Variants in ADA2 observed in about 807,000 individuals in gnomAD.
ADA2 encodes adenosine deaminase CECR1.
A neutral mutation model predicts 44.2 loss-of-function variants in ADA2; 29 were observed. That is an observed-to-expected ratio of 0.66 (90% CI 0.49 to 0.89). The LOEUF (loss-of-function observed/expected upper bound fraction) is 0.89. Among genes scored for constraint, ADA2 ranks in the 40% least tolerant of loss-of-function variants. The probability of loss-of-function intolerance (pLI) is 0.00; values close to 1 mark genes in which losing one functional copy is unlikely to be tolerated. For missense variants in ADA2, 637 were observed against 644.8 expected, an observed-to-expected ratio of 0.99 and a Z score of 0.13; for synonymous variants, 215 against 234.9, an observed-to-expected ratio of 0.92 and a Z score of 0.77.
rs2061966498 is a variant in ADA2, at chr22:17,181,394, A to C, written c.*89T>G. 1 of 901,324 alleles carries C rather than the reference A, an allele frequency of 1.1e-6. No homozygotes were observed. Among genetic ancestry groups the C allele is most frequent in the Non-Finnish European group, 1.9e-6 (1 of 535,672 alleles). The allele number at this position is 901,324 out of a possible 1,614,324, so 55.8% of individuals were successfully genotyped here. On this transcript the variant is annotated 3_prime_UTR_variant, in exon 10 of 10. Coordinates refer to ENST00000399837, the MANE Select transcript of ADA2 (RefSeq NM_001282225.2). Reference sequence around the variant, plus strand: ...GCTCCATACAGAGGCCATTGATTTCATGGGCACATGGAGCTGATTCAAGAA... The same window carrying C: ...GCTCCATACAGAGGCCATTGATTTCCTGGGCACATGGAGCTGATTCAAGAA...
intron 4 of ADA2, among the ~76,000 whole-genome samples, chr22:17,193,791 GA>G (rs922656186): frequency 1.3e-5 from 2 of 151,830 alleles, no homozygotes; most frequent in Non-Finnish European, 2.9e-5. Context: ...AAGCCCTTAT[GA>G]TATAAAAGGA....
chr22:17,202,622 C>G (rs1331048518), intron 4 of ADA2, among the ~76,000 whole-genome samples: 1 of 152,156 alleles, frequency 6.6e-6, no homozygotes, highest in East Asian at 1.9e-4. Flanking sequence ...AAACAAGTCT[C>G]TCCATCCTAA....
rs7285420 is a variant in ADA2, at chr22:17,180,618, C to G, written c.*865G>C. Reference sequence around the variant, plus strand: ...CCAGCCTGGGCAACATAGCAAGACACTCTTTAGAAAAATTAAAGTAGAGAA... The same window carrying G: ...CCAGCCTGGGCAACATAGCAAGACAGTCTTTAGAAAAATTAAAGTAGAGAA... On this transcript the variant is annotated 3_prime_UTR_variant, in exon 10 of 10. Transcript: ENST00000399837. 31,722 of 151,700 alleles carry G rather than the reference C, an allele frequency of 0.21. 3,394 individuals are homozygous for G. The highest frequency in any genetic ancestry group is 0.32 in the Middle Eastern group (92 of 292). 9.4% of individuals were successfully genotyped at this position (151,700 alleles called of 1,614,324 possible).
At chr22:17,214,165 G>GC in intron 1 of ADA2, 1 of 681,522 alleles carries the variant, frequency 1.5e-6, no homozygotes, top group Non-Finnish European at 2.6e-6. Context: ...ATAGCCGCCT[G>GC]CCCCCAGTAG....
chr22:17,205,050 CT>C (rs751825736), intron 3 of ADA2, among the ~76,000 whole-genome samples: 25 of 151,878 alleles, frequency 1.6e-4, no homozygotes, highest in South Asian at 8.3e-4. Context: ...CAGAATCTTG[CT>C]CTGTCGCCCA....
rs376639291 is a variant in ADA2, at chr22:17,187,401, CA to C, written c.1081+937del. 2.4e-3 allele frequency among the ~76,000 whole-genome samples: 360 copies of C among 152,152 alleles called. 1 individual carries two copies. The highest frequency in any genetic ancestry group is 8.2e-3 in the African/African-American group (341 of 41,514). ...TGAGCCTGGGCTCAGGCAATCCTCC[CA>C]CCTCAGCCTCTAAGTAGGTGGGACC... is the stretch of plus-strand genomic sequence containing the variant. On this transcript the variant is annotated intron_variant, in intron 7 of 9. Coordinates refer to ENST00000399837, the MANE Select transcript of ADA2 (RefSeq NM_001282225.2).
intron 2 of ADA2, among the ~76,000 whole-genome samples, chr22:17,208,818 T>TTTTTTTTTTTTTTTTTTTTTTTTG (rs1568988096): frequency 6.6e-6 from 1 of 150,446 alleles, no homozygotes; most frequent in African/African-American, 2.4e-5. Flanking sequence ...AAATTTTTTT[T>TTTTTTTTTTTTTTTTTTTTTTTTG]AATAAAAAAA....
intron 4 of ADA2, chr22:17,198,519 GA>G (rs1400951978): frequency 6.6e-6 from 1 of 152,222 alleles, no homozygotes; most frequent in African/African-American, 2.4e-5. Context: ...ATGGAATTTT[GA>G]ATGAAAGGTC....
chr22:17,193,101 CA>C, intron 4 of ADA2: 1 of 1,186,082 alleles, frequency 8.4e-7, no homozygotes, highest in East Asian at 2.4e-5. Context: ...CAAAAAAAAA[CA>C]AAGAACACGC....
chr22:17,185,655 C>A (rs1400734331), intron 7 of ADA2, among the ~76,000 whole-genome samples: 2 of 152,008 alleles, frequency 1.3e-5, no homozygotes, highest in African/African-American at 2.4e-5. Context: ...CAACCCCCTC[C>A]CCCTCAAACA....
intron 9 of ADA2, 47 bp downstream of exon 9, chr22:17,181,773 G>A (rs2061971291): frequency 6.6e-7 from 1 of 1,520,670 alleles, no homozygotes; most frequent in Non-Finnish European, 9.1e-7. Context: ...AACACAAGCT[G>A]CGGGCTGGAA....
intron 2 of ADA2, among the ~76,000 whole-genome samples, chr22:17,208,274 AT>A (rs2062376727): frequency 6.6e-6 from 1 of 151,588 alleles, no homozygotes; most frequent in South Asian, 2.1e-4. Flanking sequence ...AAATACAAAA[AT>A]TAGCCAGGCA....
intron 7 of ADA2, among the ~76,000 whole-genome samples, chr22:17,184,219 C>T (rs933533430): frequency 2.0e-5 from 3 of 151,838 alleles, no homozygotes; most frequent in Non-Finnish European, 4.4e-5. Context: ...CTGCCTCAGC[C>T]TCCCAAAGTG....
chr22:17,199,431 T>TCTATCCTCTTCCCCTCCTTCCCCTCCA, intron 4 of ADA2: 1 of 930,074 alleles, frequency 1.1e-6, no homozygotes, highest in Non-Finnish European at 1.7e-6. Context: ...CCTCCCCTCC[T>TCTATCCTCTTCCCCTCCTTCCCCTCCA]CTATCCTCTT....
intron 4 of ADA2, among the ~76,000 whole-genome samples, chr22:17,201,284 C>G (rs2062283778): frequency 6.6e-6 from 1 of 152,132 alleles, no homozygotes; most frequent in Non-Finnish European, 1.5e-5. Flanking sequence ...CGAATGATAA[C>G]AGCATTCTGA....
rs540477942 is a variant in ADA2, at chr22:17,188,632, C to A, written c.973-185G>T. ...TGGTGGCTCACACCTGTAATCCCAG[C>A]ACTTTGGGAGGCCGAGGCAGGCAGA... On this transcript the variant is annotated intron_variant, in intron 6 of 9. Transcript: ENST00000399837. The A allele has an allele frequency of 4.2e-4, 189 of 446,872 alleles. 1 individual carries two copies. In the East Asian group the frequency reaches 7.1e-3, roughly 17 times the overall value. 27.7% of individuals were successfully genotyped at this position (446,872 alleles called of 1,614,324 possible). A position where few individuals can be genotyped will look rare whatever the true frequency, so the allele number is the denominator to read the frequency against.
chr22:17,221,776 G>C (rs1227587098), upstream of ADA2: 1 of 151,712 alleles, frequency 6.6e-6, no homozygotes, highest in East Asian at 2.0e-4. Flanking sequence ...AGATCCTGGA[G>C]GCTGGCAGCA....
intron 5 of ADA2, among the ~76,000 whole-genome samples, chr22:17,190,858 A>G (rs1468870476): frequency 1.3e-5 from 2 of 152,232 alleles, no homozygotes; most frequent in African/African-American, 4.8e-5. Flanking sequence ...GCACAAAGCC[A>G]GAGCTTAGCT....
chr22:17,187,665 T>TAAA (rs34113994), intron 7 of ADA2, among the ~76,000 whole-genome samples: 2 of 136,824 alleles, frequency 1.5e-5, no homozygotes, highest in African/African-American at 2.7e-5. Flanking sequence ...CACGAAAAAT[T>TAAA]AAAAAAAAAA....
Sources: allele counts gnomAD v4.1 joint callset (sites outside exome capture counted in the v4.1 genomes callset), GRCh38; gene constraint gnomAD v4.1.1; transcripts MANE v1.5; gene names NCBI Gene and HGNC (gene_info 2026-07-23, HGNC 2026-07-21).